The following TMCO5A variants were observed in gnomAD, a reference collection of about 807,000 sequenced individuals.
TMCO5A encodes transmembrane and coiled-coil domains 5A, also known as transmembrane and coiled-coil domain-containing protein 5A.
A neutral mutation model predicts 42.3 loss-of-function variants in TMCO5A; 34 were observed. The ratio of observed to expected loss-of-function variants is 0.80; its 90% CI spans 0.61 to 1.07. The LOEUF is 1.07. TMCO5A is among the 50% of genes least tolerant of loss of function. The pLI is 0.00. For synonymous variants in TMCO5A, 131 were observed against 115.6 expected, an observed-to-expected ratio of 1.13 and a Z score of -0.86; for missense variants, 357 against 327.9, an observed-to-expected ratio of 1.09 and a Z score of -0.69.
chr15:38,017,042 G>A, the TMCO5A span, among the ~76,000 whole-genome samples: 3 of 152,058 alleles, frequency 2.0e-5, no homozygotes, highest in Non-Finnish European at 4.4e-5. Flanking sequence ...TATATGGCCA[G>A]GGGTCTTCCA....
the TMCO5A span, among the ~76,000 whole-genome samples, chr15:38,032,355 A>C: frequency 2.0e-5 from 3 of 152,196 alleles, no homozygotes; most frequent in Admixed American, 1.3e-4. Flanking sequence ...TAAGGACAGC[A>C]GGCATTTTTT....
chr15:37,957,998 C>T (rs1307017883), intron 11 of TMCO5A, among the ~76,000 whole-genome samples: 1 of 152,084 alleles, frequency 6.6e-6, no homozygotes, highest in East Asian at 1.9e-4. Context: ...GAAAGGATTC[C>T]CTATTTAATA....
At chr15:38,028,838 T>A in the TMCO5A span, among the ~76,000 whole-genome samples, 1 of 152,106 alleles carries the variant, frequency 6.6e-6, no homozygotes, top group Non-Finnish European at 1.5e-5. Flanking sequence ...GTGCACTTGA[T>A]GCAAAATAGT....
At chr15:37,980,024 C>T in the TMCO5A span, among the ~76,000 whole-genome samples, 15 of 152,300 alleles carry the variant, frequency 9.8e-5, no homozygotes, top group African/African-American at 3.6e-4. Flanking sequence ...TGATTTGCTC[C>T]CTCCTGAGTC....
rs116773575 is a variant in TMCO5A, at chr15:37,943,633, G to A, written c.627+235G>A. ...ATAACAGGCTCTCAAAAAACTAGCC[G>A]AAGACCTAAGAGAACTCAGAATGGA... On this transcript the variant is annotated intron_variant, in intron 10 of 11. Transcript: ENST00000319669. The A allele has an allele frequency of 6.8e-3, 3,269 of 483,236 alleles. 98 individuals are homozygous for A. The highest frequency in any genetic ancestry group is 0.057 in the African/African-American group (2,886 of 50,914). 29.9% of individuals were successfully genotyped at this position (483,236 alleles called of 1,614,324 possible).
the TMCO5A span, among the ~76,000 whole-genome samples, chr15:38,026,715 G>A: frequency 0.02 from 2,986 of 152,320 alleles, 97 homozygotes; most frequent in African/African-American, 0.068. Context: ...AGGCCTGGAG[G>A]CCTGAGAGAA....
intron 11 of TMCO5A, among the ~76,000 whole-genome samples, chr15:37,966,383 T>A (rs1290617038): frequency 6.6e-6 from 1 of 152,172 alleles, no homozygotes; most frequent in Non-Finnish European, 1.5e-5. Context: ...CTAAGTATAA[T>A]TGGTTTGTAA....
the TMCO5A span, among the ~76,000 whole-genome samples, chr15:38,001,921 T>C: frequency 6.6e-6 from 1 of 152,168 alleles, no homozygotes; most frequent in African/African-American, 2.4e-5. Context: ...GTTCATCTTT[T>C]AGTCTTTGTA....
At position 37,950,575 on chromosome 15, in the gene TMCO5A, C is replaced by T. The variant is rs927509355; in HGVS notation, c.669-461C>T. On this transcript the variant is annotated intron_variant, in intron 11 of 11. Coordinates refer to ENST00000319669, the MANE Select transcript of TMCO5A (RefSeq NM_152453.4). ...AACCAATAAACCTATAACAGATGTTCGCATCATTGTTCATCAGGGAAATGC... is the reference window on the plus strand; with the variant it reads ...AACCAATAAACCTATAACAGATGTTTGCATCATTGTTCATCAGGGAAATGC... Among the ~76,000 whole-genome samples, 7 of 152,186 alleles carry T rather than the reference C, an allele frequency of 4.6e-5. No homozygotes were observed. The East Asian group carries it at 9.7e-4, about 21-fold the overall frequency.
intron 2 of TMCO5A, 93 bp from the exon 3 acceptor site, chr15:37,936,221 T>G (rs554415238): frequency 1.4e-6 from 2 of 1,417,384 alleles, no homozygotes; most frequent in East Asian, 4.7e-5. Flanking sequence ...GTAAGGTTAA[T>G]AAACTAGATG....
the TMCO5A span, among the ~76,000 whole-genome samples, chr15:38,021,483 A>C: frequency 6.6e-6 from 1 of 151,972 alleles, no homozygotes; most frequent in African/African-American, 2.4e-5. Context: ...TTTTTTTAGA[A>C]GTGACCCCCA....
the TMCO5A span, among the ~76,000 whole-genome samples, chr15:37,998,258 C>T: frequency 6.6e-6 from 1 of 152,172 alleles, no homozygotes; most frequent in Non-Finnish European, 1.5e-5. Flanking sequence ...TGGGATATTA[C>T]TCAAGAAATT....
chr15:38,031,041 C>T, the TMCO5A span, among the ~76,000 whole-genome samples: 1 of 152,160 alleles, frequency 6.6e-6, no homozygotes. Flanking sequence ...ACATCCAATA[C>T]ATATCCTGGC....
At chr15:37,996,834 G>C in the TMCO5A span, among the ~76,000 whole-genome samples, 1 of 152,084 alleles carries the variant, frequency 6.6e-6, no homozygotes, top group African/African-American at 2.4e-5. Flanking sequence ...TGTGATTTGG[G>C]AACTAGCAGA....
chr15:37,950,929 C>A, intron 11 of TMCO5A, 107 bp from the exon 12 acceptor site: 1 of 925,350 alleles, frequency 1.1e-6, no homozygotes, highest in Non-Finnish European at 1.7e-6. Flanking sequence ...GGGTGATAAT[C>A]CATTTGAATA....
chr15:38,017,471 G>A, the TMCO5A span, among the ~76,000 whole-genome samples: 1 of 152,138 alleles, frequency 6.6e-6, no homozygotes, highest in African/African-American at 2.4e-5. Context: ...TGCCGGAGAG[G>A]AGCCAGAGAA....
the TMCO5A span, among the ~76,000 whole-genome samples, chr15:37,975,161 G>A: frequency 2.8e-3 from 432 of 152,246 alleles, 2 homozygotes; most frequent in Non-Finnish European, 4.3e-3. Flanking sequence ...ATGGCCAATT[G>A]TGTGGTCTAT....
chr15:37,948,331 G>C (rs968956709), intron 11 of TMCO5A, among the ~76,000 whole-genome samples: 10 of 151,984 alleles, frequency 6.6e-5, no homozygotes, highest in African/African-American at 2.4e-4. Flanking sequence ...GTTTAAGAAG[G>C]CATAAAGAAA....
At chr15:38,000,568 G>A in the TMCO5A span, among the ~76,000 whole-genome samples, 1 of 151,528 alleles carries the variant, frequency 6.6e-6, no homozygotes, top group African/African-American at 2.4e-5. Flanking sequence ...AATTTGATTT[G>A]CTCTTGTTTT....
Sources: gnomAD v4.1 joint callset for allele counts (sites outside exome capture counted in the v4.1 genomes callset) on GRCh38, gnomAD v4.1.1 for gene constraint, MANE v1.5 for transcripts, NCBI Gene and HGNC (gene_info 2026-07-23, HGNC 2026-07-21) for gene names.